Variants in SORCS1 observed in about 807,000 individuals in gnomAD.
SORCS1 encodes VPS10 domain-containing receptor SorCS1.
A neutral mutation model predicts 146.1 loss-of-function variants in SORCS1; 60 were observed. That is an observed-to-expected ratio of 0.41 (90% confidence interval 0.33 to 0.51). The LOEUF is 0.51. SORCS1 is among the 20% of genes least tolerant of loss of function. The probability of loss-of-function intolerance (pLI) is 0.21; values close to 1 mark genes in which losing one functional copy is unlikely to be tolerated. For missense variants in SORCS1, 1,352 were observed against 1,487.6 expected, an observed-to-expected ratio of 0.91 and a Z score of 1.50; for synonymous variants, 637 against 584.0, an observed-to-expected ratio of 1.09 and a Z score of -1.31.
intron 6 of SORCS1, among the ~76,000 whole-genome samples, chr10:106,725,132 T>G (rs1589743860): frequency 6.6e-6 from 1 of 151,062 alleles, no homozygotes; most frequent in South Asian, 2.1e-4. Flanking sequence ...AGAGAGAGAC[T>G]TCATCTCAAA....
chr10:107,164,329 A>T lies in SORCS1; in HGVS notation c.198T>A (p.Pro66=). The T allele has an allele frequency of 6.5e-7, 1 of 1,550,362 alleles. No homozygotes were observed. The change falls in exon 1 of 26, where the codon CCT becomes CCA. Residue 66 remains proline (P), a synonymous_variant. Transcript: ENST00000263054. The surrounding 1 kb of genome is among the most constrained non-coding windows in gnomAD (Gnocchi z 6.8). ...GCACTACGAGGGGCAGGGGCGTGGC[A>T]GGAGCCCTGCCTGGCCGCCCCTGGT... The part of the protein sequence containing the change: ...FSHQGRPGRA[P]ATPLPLVVRP...
At chr10:106,715,619 G>A (rs11818607) in intron 6 of SORCS1, among the ~76,000 whole-genome samples, 2,089 of 152,276 alleles carry the variant, frequency 0.014, 48 homozygotes, top group African/African-American at 0.048. Flanking sequence ...TGAGTCTAGC[G>A]CCAGATTAGA....
At chr10:106,870,657 C>A (rs2137568678) in intron 2 of SORCS1, among the ~76,000 whole-genome samples, 1 of 152,210 alleles carries the variant, frequency 6.6e-6, no homozygotes, top group East Asian at 1.9e-4. Flanking sequence ...GAAGCTGGAC[C>A]CCTTCCTTAG....
At chr10:107,037,088 A>G (rs536644883) in intron 1 of SORCS1, among the ~76,000 whole-genome samples, 27 of 152,128 alleles carry the variant, frequency 1.8e-4, no homozygotes, top group African/African-American at 6.3e-4. Flanking sequence ...TCTATTAAAA[A>G]TACAAAAATT....
chr10:107,018,846 C>T (rs902482806), intron 1 of SORCS1, among the ~76,000 whole-genome samples: 3 of 151,988 alleles, frequency 2.0e-5, no homozygotes, highest in Non-Finnish European at 2.9e-5. Flanking sequence ...TCTGTATGTA[C>T]GTTACACTTT....
intron 1 of SORCS1, among the ~76,000 whole-genome samples, chr10:106,989,081 C>G (rs12571146): frequency 6.8e-6 from 1 of 147,136 alleles, no homozygotes; most frequent in African/African-American, 2.5e-5. Flanking sequence ...CAACATAGTG[C>G]AACCCTGCCT....
intron 2 of SORCS1, among the ~76,000 whole-genome samples, chr10:106,883,469 C>A (rs954913297): frequency 4.0e-5 from 6 of 150,098 alleles, no homozygotes; most frequent in African/African-American, 1.5e-4. Flanking sequence ...GGCTGGAGTG[C>A]AGTGGCACGA....
In SORCS1 at chr10:106,679,474, T is replaced by G. The variant is rs889491879; in HGVS notation, c.1664-142A>C. 7 of 934,280 alleles carry G rather than the reference T, an allele frequency of 7.5e-6. No individual in the cohort carries two copies. The African/African-American group carries it at 9.9e-5, about 13-fold the overall frequency. The allele number at this position is 934,280 out of a possible 1,614,324, so 57.9% of individuals were successfully genotyped here. On this transcript the variant is annotated intron_variant, in intron 11 of 25. Transcript: ENST00000263054. ...GGGTTTTCTGCAGACTTGCTTCAGGTCCAATGGTTTAGGTGCCTTTCAAAA... is the reference window on the plus strand; with the variant it reads ...GGGTTTTCTGCAGACTTGCTTCAGGGCCAATGGTTTAGGTGCCTTTCAAAA...
At chr10:107,152,467 T>C (rs1968892934) in intron 1 of SORCS1, among the ~76,000 whole-genome samples, 1 of 152,066 alleles carries the variant, frequency 6.6e-6, no homozygotes, top group African/African-American at 2.4e-5. Context: ...CTACAGACAC[T>C]CAATGCCAGC....
chr10:106,779,512 T>C (rs1287962579), intron 3 of SORCS1, among the ~76,000 whole-genome samples: 1 of 151,938 alleles, frequency 6.6e-6, no homozygotes, highest in African/African-American at 2.4e-5. Context: ...GATTTTATTC[T>C]GGTTTTTTCT....
chr10:106,720,491 C>A (rs1326825579), intron 6 of SORCS1, among the ~76,000 whole-genome samples: 1 of 150,728 alleles, frequency 6.6e-6, no homozygotes, highest in African/African-American at 2.4e-5. Context: ...AATGCATGAT[C>A]CTAGCATCAC....
chr10:107,029,479 T>C (rs1958554418), intron 1 of SORCS1, among the ~76,000 whole-genome samples: 1 of 152,206 alleles, frequency 6.6e-6, no homozygotes, highest in South Asian at 2.1e-4. Context: ...CAATTCTCCA[T>C]AACCACAGTG....
chr10:106,609,872 A>C (rs1157798899), intron 22 of SORCS1, among the ~76,000 whole-genome samples: 1 of 152,202 alleles, frequency 6.6e-6, no homozygotes, highest in African/African-American at 2.4e-5. Flanking sequence ...TGGTTGATAC[A>C]TCACCTGGGG....
At chr10:106,898,474 C>A (rs1048124711) in intron 2 of SORCS1, among the ~76,000 whole-genome samples, 6 of 152,142 alleles carry the variant, frequency 3.9e-5, no homozygotes, top group African/African-American at 4.8e-5. Context: ...TGTTTACTCA[C>A]GAAAAGAGAA....
At chr10:107,149,355 T>C (rs1968582985) in intron 1 of SORCS1, among the ~76,000 whole-genome samples, 1 of 152,072 alleles carries the variant, frequency 6.6e-6, no homozygotes, top group African/African-American at 2.4e-5. Context: ...TGGAATATTC[T>C]ATTGCATTTT....
At chr10:107,153,016 G>GTC (rs1311977724) in intron 1 of SORCS1, among the ~76,000 whole-genome samples, 1 of 151,564 alleles carries the variant, frequency 6.6e-6, no homozygotes, top group Non-Finnish European at 1.5e-5. Flanking sequence ...CTTTCCTTCT[G>GTC]TCTCTCTCTG....
rs542119686 is a variant in SORCS1 at position 107,125,234 on chromosome 10, AGCCACCATGC to A, written c.558+38725_558+38734del. Among the ~76,000 whole-genome samples, 802 of 152,176 alleles carry A rather than the reference AGCCACCATGC, an allele frequency of 5.3e-3. 3 individuals are homozygous for A. Among genetic ancestry groups the A allele is most frequent in the Non-Finnish European group, 8.1e-3 (554 of 68,006 alleles). ...AAAAAGTGCTGGGATTACAGGCATG[AGCCACCATGC>A]CTGGCCCCGCTCAGCTTTCTTAAAG... On this transcript the variant is annotated intron_variant, in intron 1 of 25. Transcript: ENST00000263054.
At chr10:106,998,679 C>G (rs1313155986) in intron 1 of SORCS1, among the ~76,000 whole-genome samples, 1 of 152,206 alleles carries the variant, frequency 6.6e-6, no homozygotes, top group Non-Finnish European at 1.5e-5. Flanking sequence ...TCCAGTAAAT[C>G]AAACTGAATT....
intron 1 of SORCS1, among the ~76,000 whole-genome samples, chr10:107,139,507 T>C (rs1022390156): frequency 4.0e-5 from 6 of 151,204 alleles, no homozygotes; most frequent in African/African-American, 1.2e-4. Flanking sequence ...GCCAGAGAGA[T>C]TGGGAAGAGA....
Sources: allele counts gnomAD v4.1 joint callset (sites outside exome capture counted in the v4.1 genomes callset), GRCh38; gene constraint gnomAD v4.1.1; non-coding constraint Gnocchi (gnomAD v3.1); transcripts MANE v1.5; gene names NCBI Gene and HGNC (gene_info 2026-07-23, HGNC 2026-07-21).